MAD1L1: variants seen among roughly 807,000 people sequenced by gnomAD.
MAD1L1 encodes mitotic spindle assembly checkpoint protein MAD1.
In MAD1L1, 95 loss-of-function variants were observed where a neutral mutation model predicts 96.9. The observed-to-expected ratio is 0.98, with a 90% CI of 0.83 to 1.16. The LOEUF is 1.16. MAD1L1 is among the 50% of genes most tolerant of loss of function. MAD1L1 has a pLI of 0.00. For synonymous variants in MAD1L1, 473 were observed against 396.6 expected, an observed-to-expected ratio of 1.19 and a Z score of -2.29; for missense variants, 1,007 against 954.4, an observed-to-expected ratio of 1.06 and a Z score of -0.73.
At chr7:2,156,301 C>T (rs1314828828) in intron 10 of MAD1L1, among the ~76,000 whole-genome samples, 1 of 152,042 alleles carries the variant, frequency 6.6e-6, no homozygotes, top group African/African-American at 2.4e-5. Context: ...GCGCGTGTGG[C>T]GAGGGCAGTG....
At chr7:1,862,889 G>A (rs1453573212) in intron 18 of MAD1L1, among the ~76,000 whole-genome samples, 1 of 152,216 alleles carries the variant, frequency 6.6e-6, no homozygotes, top group African/African-American at 2.4e-5. Flanking sequence ...ACAGCTACTT[G>A]CCGGCCGTAG....
Position 2,028,875 on chromosome 7 carries a change from GA to G in MAD1L1, c.1219-14234del, listed in dbSNP as rs373530692. Among the ~76,000 whole-genome samples the G allele has an allele frequency of 4.2e-3, 575 of 137,160 alleles. 4 individuals carry two copies. The highest frequency in any genetic ancestry group is 0.016 in the African/African-American group (537 of 34,520). 90.0% of individuals were successfully genotyped at this position (137,160 alleles called of 152,430 possible). ...GGATACCCACGTTGACAAGAAAAAT[GA>G]AAAAAAAAATAAGGCTTCACACAGT... On this transcript the variant is annotated intron_variant, in intron 12 of 18. Coordinates refer to ENST00000265854, the MANE Select transcript of MAD1L1 (RefSeq NM_001013836.2).
rs554772679 is a variant in MAD1L1, at chr7:1,929,079, C to T, written c.1807+7608G>A. ...ACCAAACCAGGCCTCCCCTCGAGGGCACCCTCCTCCCTGAGGCCGAGCAGG... is the reference window on the plus strand; with the variant it reads ...ACCAAACCAGGCCTCCCCTCGAGGGTACCCTCCTCCCTGAGGCCGAGCAGG... On this transcript the variant is annotated intron_variant, in intron 17 of 18. Coordinates refer to ENST00000265854, the MANE Select transcript of MAD1L1 (RefSeq NM_001013836.2). Among the ~76,000 whole-genome samples, 12 of 152,308 alleles carry T rather than the reference C, an allele frequency of 7.9e-5. No individual in the cohort carries two copies. In the South Asian group the frequency reaches 1.9e-3, roughly 24 times the overall value.
At chr7:1,999,531 C>T (rs1403337459) in intron 14 of MAD1L1, among the ~76,000 whole-genome samples, 1 of 152,194 alleles carries the variant, frequency 6.6e-6, no homozygotes, top group African/African-American at 2.4e-5. Flanking sequence ...TCCAAGTTTA[C>T]ACCACAAACC....
chr7:2,060,422 G>A (rs1784604047), intron 12 of MAD1L1, among the ~76,000 whole-genome samples: 1 of 151,790 alleles, frequency 6.6e-6, no homozygotes, highest in Admixed American at 6.6e-5. Flanking sequence ...CTGATGCTGA[G>A]ATACGCCGAT....
chr7:2,054,893 G>A (rs1483555549), intron 12 of MAD1L1, among the ~76,000 whole-genome samples: 6 of 152,234 alleles, frequency 3.9e-5, no homozygotes, highest in Non-Finnish European at 7.3e-5. Context: ...GAACACATGC[G>A]GTACTCAGGG....
intron 18 of MAD1L1, among the ~76,000 whole-genome samples, chr7:1,870,636 G>A (rs373188425): frequency 9.8e-4 from 84 of 85,328 alleles, no homozygotes; most frequent in African/African-American, 1.4e-3. Context: ...TGCCTGCCAC[G>A]CTGAACCCAA....
intron 18 of MAD1L1, among the ~76,000 whole-genome samples, chr7:1,860,175 G>A (rs1171354062): frequency 4.1e-5 from 6 of 148,120 alleles, no homozygotes; most frequent in Non-Finnish European, 8.9e-5. Context: ...ACATCCTGCG[G>A]GGCGGCCTCT....
intron 15 of MAD1L1, among the ~76,000 whole-genome samples, chr7:1,963,774 G>C (rs1316741072): frequency 6.6e-6 from 1 of 152,182 alleles, no homozygotes; most frequent in East Asian, 1.9e-4. Flanking sequence ...CCAACATCCT[G>C]AGCATGGGCC....
At chr7:1,864,384 A>C (rs564525189) in intron 18 of MAD1L1, among the ~76,000 whole-genome samples, 1 of 152,312 alleles carries the variant, frequency 6.6e-6, no homozygotes, top group Non-Finnish European at 1.5e-5. Context: ...CCAGAGCTCC[A>C]GGGAACCTGC....
chr7:1,901,021 A>C (rs12672693), intron 17 of MAD1L1, among the ~76,000 whole-genome samples: 8,774 of 152,102 alleles, frequency 0.058, 590 homozygotes, highest in African/African-American at 0.16. Context: ...CCTCTGACAG[A>C]CAAACCCAGG....
chr7:2,176,669 G>A (rs184657917), intron 10 of MAD1L1, among the ~76,000 whole-genome samples: 72 of 151,308 alleles, frequency 4.8e-4, no homozygotes, highest in African/African-American at 1.6e-3. Context: ...CTCTATACAC[G>A]AGAATCCAGC....
chr7:1,869,908 G>C (rs938549816), intron 18 of MAD1L1, among the ~76,000 whole-genome samples: 1 of 152,214 alleles, frequency 6.6e-6, no homozygotes, highest in Non-Finnish European at 1.5e-5. Context: ...AAGGCAGGCT[G>C]TGAGCCCAGG....
chr7:2,108,842 G>C (rs569022769), intron 11 of MAD1L1, among the ~76,000 whole-genome samples: 1 of 152,346 alleles, frequency 6.6e-6, no homozygotes, highest in South Asian at 2.1e-4. Context: ...ATGGGCCCAG[G>C]TGGCCTCCAG....
At chr7:2,220,378 G>A (rs987843576) in intron 5 of MAD1L1, among the ~76,000 whole-genome samples, 4 of 152,214 alleles carry the variant, frequency 2.6e-5, no homozygotes, top group Non-Finnish European at 4.4e-5. Context: ...GACCTTCTGA[G>A]GACCCTAACC....
intron 18 of MAD1L1, among the ~76,000 whole-genome samples, chr7:1,861,302 C>T (rs1273523010): frequency 1.3e-5 from 2 of 152,212 alleles, no homozygotes; most frequent in Admixed American, 6.5e-5. Context: ...GCACATGGCT[C>T]CACCTGGCTG....
intron 15 of MAD1L1, among the ~76,000 whole-genome samples, chr7:1,960,314 G>A (rs1222807897): frequency 2.0e-5 from 3 of 148,166 alleles, no homozygotes; most frequent in South Asian, 2.1e-4. Flanking sequence ...CAAATGACAA[G>A]ATCAAAACTA....
At chr7:1,885,558 C>T (rs904886025) in intron 18 of MAD1L1, among the ~76,000 whole-genome samples, 4 of 152,150 alleles carry the variant, frequency 2.6e-5, no homozygotes, top group East Asian at 1.9e-4. Flanking sequence ...AGCTGTCCCA[C>T]GGTGGGCCGC....
chr7:2,205,084 C>CTTTTTTT (rs56101356), intron 10 of MAD1L1, among the ~76,000 whole-genome samples: 114 of 103,858 alleles, frequency 1.1e-3, no homozygotes, highest in East Asian at 1.5e-3. Context: ...AGGATCTTTT[C>CTTTTTTT]TTTTTTTTTT....
Sources: gnomAD v4.1 joint callset for allele counts (sites outside exome capture counted in the v4.1 genomes callset) on GRCh38, gnomAD v4.1.1 for gene constraint, MANE v1.5 for transcripts, NCBI Gene and HGNC (gene_info 2026-07-23, HGNC 2026-07-21) for gene names.